The following NLRP3 variants were observed in gnomAD, a reference collection of about 807,000 sequenced individuals.
NLRP3 encodes the protein NACHT, LRR and PYD domains-containing protein 3.
Under a neutral mutation model 91.3 loss-of-function variants are expected in NLRP3, and 48 were observed. The ratio of observed to expected loss-of-function variants is 0.53; its 90% CI spans 0.42 to 0.67. NLRP3 has a LOEUF of 0.67. Ranked by LOEUF, NLRP3 falls within the 30% of genes least tolerant of loss-of-function variation. The pLI is 0.00. For missense variants in NLRP3, 982 were observed against 1,276.9 expected (o/e 0.77, Z 3.52); for synonymous variants, 561 against 507.9 (o/e 1.10, Z -1.41).
intron 2 of NLRP3, 148 bp from the exon 3 acceptor site, chr1:247,423,082 T>C (rs751883609): frequency 3.6e-6 from 4 of 1,115,230 alleles, no homozygotes; most frequent in Non-Finnish European, 4.0e-6. Context: ...GACTTTTGAC[T>C]GGATACCTGT....
chr1:247,443,308 C>T (rs1357777050), intron 7 of NLRP3, among the ~76,000 whole-genome samples: 3 of 152,110 alleles, frequency 2.0e-5, no homozygotes, highest in African/African-American at 7.2e-5. Flanking sequence ...TGGCTCACTG[C>T]AGCCTCGACT....
At position 247,418,447 on chromosome 1, in the gene NLRP3, G is replaced by A. The variant is rs201763868; in HGVS notation, c.-354G>A. 5 of 329,682 alleles carry A rather than the reference G, an allele frequency of 1.5e-5. No homozygotes were observed. Among genetic ancestry groups the A allele is most frequent in the Non-Finnish European group, 2.9e-5 (5 of 169,514 alleles). The allele number at this position is 329,682 out of a possible 1,614,324, so 20.4% of individuals were successfully genotyped here. ...TTCCTGAGTAGCTGGGATTACAGGC[G>A]CCCGCCACCACACCCGGCTCATTTT... On this transcript the variant is annotated 5_prime_UTR_variant, in exon 2 of 10. Coordinates refer to ENST00000336119, the MANE Select transcript of NLRP3 (RefSeq NM_001243133.2).
At chr1:247,420,725 AT>A (rs982136033) in intron 2 of NLRP3, among the ~76,000 whole-genome samples, 9 of 135,128 alleles carry the variant, frequency 6.7e-5, no homozygotes, top group African/African-American at 8.5e-5. Context: ...TCAAAAAAAA[AT>A]TTTTTTTTCT....
intron 2 of NLRP3, among the ~76,000 whole-genome samples, chr1:247,419,922 G>T: frequency 6.6e-6 from 1 of 151,942 alleles, no homozygotes; most frequent in Admixed American, 6.6e-5. Flanking sequence ...GAATTCTCTG[G>T]GGTATATACT....
At position 247,425,073 on chromosome 1, in the gene NLRP3, A is replaced by G. The variant is rs1321316409; in HGVS notation, c.1624A>G (p.Thr542Ala). Residue 542 changes from threonine (T) to alanine (A), a missense_variant, in exon 4 of 10, where the codon ACG (threonine) becomes GCG (alanine). Thr to Ala is a moderately conservative substitution (Grantham distance 58, BLOSUM62 0). Transcript: ENST00000336119. This position sits in a 1 kb window ranked among gnomAD's most constrained non-coding sequence, Gnocchi z 4.1. ...YLLEEEKEGR[T>A]NVPGSRLKLP... Reference sequence around the variant, plus strand: ...GCTGGAAGAGGAAAAGGAAGGAAGGACGAACGTTCCAGGGAGTCGTTTGAA... The same window carrying G: ...GCTGGAAGAGGAAAAGGAAGGAAGGGCGAACGTTCCAGGGAGTCGTTTGAA... 2 of 1,614,168 alleles carry G rather than the reference A, an allele frequency of 1.2e-6. No homozygotes were observed. The highest frequency in any genetic ancestry group is 1.7e-6 in the Non-Finnish European group (2 of 1,180,034).
intron 7 of NLRP3, among the ~76,000 whole-genome samples, chr1:247,439,019 T>TCCAC (rs1187529939): frequency 2.1e-5 from 2 of 96,104 alleles, no homozygotes; most frequent in African/African-American, 8.5e-5. Context: ...CATCCGTCAA[T>TCCAC]CCATCCATCC....
chr1:247,427,625 G>A (rs557353680), intron 4 of NLRP3, among the ~76,000 whole-genome samples: 34 of 151,802 alleles, frequency 2.2e-4, no homozygotes, highest in African/African-American at 7.8e-4. Context: ...CTGAAGCCCC[G>A]GTAGGAGGCT....
At chr1:247,438,941 A>G (rs1664000509) in intron 7 of NLRP3, among the ~76,000 whole-genome samples, 1 of 152,110 alleles carries the variant, frequency 6.6e-6, no homozygotes, top group Admixed American at 6.6e-5. Flanking sequence ...TTTTAATACA[A>G]TAGATTGTTA....
rs763580783 is a variant in NLRP3 at position 247,424,581 on chromosome 1, G to A, written c.1132G>A (p.Glu378Lys). The A allele has an allele frequency of 7.4e-6, 12 of 1,614,114 alleles. No individual in the cohort carries two copies. In the East Asian group the frequency reaches 2.7e-4, roughly 36 times the overall value. The stretch of plus-strand genomic sequence containing the variant: ...GGGTTTCTCCGAGGCCAAAAGGAAA[G>A]AGTACTTCTTCAAGTACTTCTCTGA... ...ILGFSEAKRK[E>K]YFFKYFSDEA... The change falls in exon 4 of 10, where the codon GAG becomes AAG. Residue 378 changes from glutamate to lysine, a missense_variant. Transcript: ENST00000336119. This position sits in a 1 kb window ranked among gnomAD's most constrained non-coding sequence, Gnocchi z 8.1.
In NLRP3 at chr1:247,444,846, C is replaced by T. The variant is rs61841189; in HGVS notation, c.3005+25C>T. Reference sequence around the variant, plus strand: ...GGTGAGTGTGCTCTGCAGAGATGCCCGTGGTGGGACTCTGAGTTCTCAGGA... The same window carrying T: ...GGTGAGTGTGCTCTGCAGAGATGCCTGTGGTGGGACTCTGAGTTCTCAGGA... On this transcript the variant is annotated intron_variant, in intron 9 of 9. Coordinates refer to ENST00000336119, the MANE Select transcript of NLRP3 (RefSeq NM_001243133.2). 12,134 of 1,611,542 alleles carry T rather than the reference C, an allele frequency of 7.5e-3. 64 individuals carry two copies. Among genetic ancestry groups the T allele is most frequent in the Non-Finnish European group, 9.3e-3 (11,008 of 1,178,734 alleles).
chr1:247,423,168 G>A, intron 2 of NLRP3, 62 bp from the exon 3 acceptor site: 3 of 1,610,146 alleles, frequency 1.9e-6, no homozygotes, highest in Non-Finnish European at 2.5e-6. Context: ...ATTAGGCCAG[G>A]TTTCAATTGC....
rs1386220740 is a variant in NLRP3, at chr1:247,423,914, T to C, written c.465T>C (p.Arg155=). The change falls in exon 4 of 10, where the codon CGT becomes CGC. Residue 155 remains arginine, a synonymous_variant. Coordinates refer to ENST00000336119, the MANE Select transcript of NLRP3 (RefSeq NM_001243133.2). ...RFQCIEDRNA[R]LGESVSLNKR... The stretch of plus-strand genomic sequence containing the variant: ...AGTGCATTGAAGACAGGAATGCCCG[T>C]CTGGGTGAGAGTGTGAGCCTCAACA... 1 of 1,613,944 alleles carries C rather than the reference T, an allele frequency of 6.2e-7. No individual in the cohort carries two copies. The highest frequency in any genetic ancestry group is 1.1e-5 in the South Asian group (1 of 91,042).
At chr1:247,429,790 A>G (rs760118422) in intron 5 of NLRP3, 35 bp downstream of exon 5, 4 of 1,608,834 alleles carry the variant, frequency 2.5e-6, no homozygotes, top group Non-Finnish European at 2.5e-6. Context: ...TGTGAGTGCA[A>G]GTTCATATGA....
rs915330016 is a variant in NLRP3, at chr1:247,418,584, G to A, written c.-217G>A. On this transcript the variant is annotated 5_prime_UTR_variant, in exon 2 of 10. It removes the in-frame stop codon of an upstream open reading frame in the 5' UTR. Transcript: ENST00000336119. Reference sequence around the variant, plus strand: ...CTCAAAGTGCTGGGATTACAGGCGTGAGCCACTGTGCCCGGCCTTGGCTAA... The same window carrying A: ...CTCAAAGTGCTGGGATTACAGGCGTAAGCCACTGTGCCCGGCCTTGGCTAA... 1.2e-5 allele frequency: 7 copies of A among 582,590 alleles called. No homozygotes were observed. In the African/African-American group the frequency reaches 1.3e-4, roughly 11 times the overall value. The allele number at this position is 582,590 out of a possible 1,614,324, so 36.1% of individuals were successfully genotyped here.
intron 5 of NLRP3, among the ~76,000 whole-genome samples, chr1:247,433,618 C>G (rs559868757): frequency 3.3e-5 from 5 of 152,186 alleles, no homozygotes; most frequent in Non-Finnish European, 7.3e-5. Context: ...CTGATGCTTT[C>G]TCTATTCCAG....
Position 247,425,576 on chromosome 1 carries a change from C to T in NLRP3, c.2127C>T (p.Ser709=), listed in dbSNP as rs759698584. 6 of 1,608,216 alleles carry T rather than the reference C, an allele frequency of 3.7e-6. No individual in the cohort carries two copies. In the African/African-American group the frequency reaches 4.0e-5, roughly 11 times the overall value. Residue 709 remains serine, a synonymous_variant, in exon 4 of 10, where the codon TCC becomes TCT. Transcript: ENST00000336119. This position sits in a 1 kb window ranked among gnomAD's most constrained non-coding sequence, Gnocchi z 4.1. ...TGGTGCAGTGTGTCCTCCCAAGCTC[C>T]TCTCATGCTGCCTGTTCTCATGGGT... ...LDMVQCVLPS[S]SHAACSHGLV...
chr1:247,435,003 G>A (rs981259686), intron 6 of NLRP3, among the ~76,000 whole-genome samples: 1 of 152,186 alleles, frequency 6.6e-6, no homozygotes, highest in Non-Finnish European at 1.5e-5. Context: ...TGTAATCCCA[G>A]CATTTTGGGA....
In NLRP3 at chr1:247,425,304, C is replaced by T. The variant is rs775952575; in HGVS notation, c.1855C>T (p.Leu619=). ...TGAAGTGAAAGCCAAAGCTAAAAAG[C>T]TGCAGATCCAGCCCAGCCAGCTGGA... ...WIEVKAKAKK[L]QIQPSQLELF... is the part of the protein sequence containing the mutation. The change falls in exon 4 of 10, where the codon CTG becomes TTG. Residue 619 remains leucine, a synonymous_variant. Transcript: ENST00000336119. The surrounding 1 kb of genome is among the most constrained non-coding windows in gnomAD (Gnocchi z 4.1). The T allele has an allele frequency of 3.7e-6, 6 of 1,614,068 alleles. No homozygotes were observed. In the African/African-American group the frequency reaches 8.0e-5, roughly 22 times the overall value.
intron 9 of NLRP3, among the ~76,000 whole-genome samples, chr1:247,446,265 G>A (rs1231225792): frequency 6.6e-6 from 1 of 152,204 alleles, no homozygotes; most frequent in Admixed American, 6.5e-5. Flanking sequence ...TGTCTGGATT[G>A]TCATGGTGGC....
Sources: allele counts gnomAD v4.1 joint callset (sites outside exome capture counted in the v4.1 genomes callset), GRCh38; gene constraint gnomAD v4.1.1; non-coding constraint Gnocchi (gnomAD v3.1); transcripts MANE v1.5; gene names NCBI Gene and HGNC (gene_info 2026-07-23, HGNC 2026-07-21).